ANXA13: variants seen among roughly 807,000 people sequenced by gnomAD.
ANXA13 encodes the protein annexin XIII.
Under a neutral mutation model 46.6 loss-of-function variants are expected in ANXA13, and 36 were observed. That is an observed-to-expected ratio of 0.77 (90% CI 0.59 to 1.02). The LOEUF is 1.02. Among genes scored for constraint, ANXA13 ranks in the 50% least tolerant of loss-of-function variants. ANXA13 has a pLI of 0.00. For synonymous variants in ANXA13, 163 were observed against 152.9 expected (o/e 1.07, Z -0.49); for missense variants, 417 against 396.5 (o/e 1.05, Z -0.44).
chr8:123,726,073 G>A (rs1052213470), intron 1 of ANXA13, among the ~76,000 whole-genome samples: 1 of 152,206 alleles, frequency 6.6e-6, no homozygotes, highest in African/African-American at 2.4e-5. Flanking sequence ...ACTAAAACTA[G>A]AAAAACATCC....
chr8:123,690,228 A>G lies in ANXA13; in HGVS notation c.643-1282T>C, dbSNP rs1278899363. Among the ~76,000 whole-genome samples the G allele has an allele frequency of 6.6e-6, 1 of 152,206 alleles. No individual in the cohort carries two copies. Among genetic ancestry groups the G allele is most frequent in the Non-Finnish European group, 1.5e-5 (1 of 68,028 alleles). ...CATTTTGTTCACACAGGTCTTGTTT[A>G]CTTTAAAAAATCCTCACATTAAACC... On this transcript the variant is annotated intron_variant, in intron 8 of 10. Coordinates refer to ENST00000419625, the MANE Select transcript of ANXA13 (RefSeq NM_004306.4). The surrounding 1 kb of genome is among the most constrained non-coding windows in gnomAD (Gnocchi z 4.6).
chr8:123,730,596 C>G (rs1228944881), intron 1 of ANXA13, among the ~76,000 whole-genome samples: 1 of 152,152 alleles, frequency 6.6e-6, no homozygotes, highest in Non-Finnish European at 1.5e-5. Context: ...GAAAGAGAGT[C>G]TTTGTAGATG....
chr8:123,732,659 C>A (rs1814142941), intron 1 of ANXA13, among the ~76,000 whole-genome samples: 1 of 151,286 alleles, frequency 6.6e-6, no homozygotes, highest in African/African-American at 2.4e-5. Context: ...CACCTCCTTA[C>A]AATGGCTGGT....
At chr8:123,699,693 A>T (rs535324628) in intron 3 of ANXA13, among the ~76,000 whole-genome samples, 1 of 152,344 alleles carries the variant, frequency 6.6e-6, no homozygotes, top group African/African-American at 2.4e-5. Context: ...GATGGCTCAG[A>T]TTGGAGGCCC....
rs539486159 is a variant in ANXA13, at chr8:123,725,043, A to G, written c.15+12277T>C. Among the ~76,000 whole-genome samples the G allele has an allele frequency of 2.3e-3, 347 of 152,320 alleles. 4 individuals carry two copies. The highest frequency in any genetic ancestry group is 7.8e-3 in the African/African-American group (325 of 41,578). Reference sequence around the variant, plus strand: ...CATGTAAACAGGTCCTTTTTTAGTCAGAGGATAGGACCTTACCCTTCAGCT... The same window carrying G: ...CATGTAAACAGGTCCTTTTTTAGTCGGAGGATAGGACCTTACCCTTCAGCT... On this transcript the variant is annotated intron_variant, in intron 1 of 10. Transcript: ENST00000419625.
At chr8:123,697,478 G>A (rs1004639198) in intron 4 of ANXA13, among the ~76,000 whole-genome samples, 1 of 152,178 alleles carries the variant, frequency 6.6e-6, no homozygotes, top group Non-Finnish European at 1.5e-5. Context: ...TCCAGAAAAG[G>A]TTTGCACCTG....
At chr8:123,688,978 C>T (rs746609568) in intron 8 of ANXA13, 32 bp from the exon 9 acceptor site, 4 of 1,609,476 alleles carry the variant, frequency 2.5e-6, no homozygotes, top group Non-Finnish European at 3.4e-6. Flanking sequence ...ACTGTTATTC[C>T]AGGTTTGCCT....
At chr8:123,728,141 G>C (rs1490333183) in intron 1 of ANXA13, 1 of 152,178 alleles carries the variant, frequency 6.6e-6, no homozygotes, top group Non-Finnish European at 1.5e-5. Context: ...GCTGTGTTGG[G>C]CTGGAGAACT....
chr8:123,708,071 C>G (rs1813576684), intron 2 of ANXA13, among the ~76,000 whole-genome samples: 1 of 152,090 alleles, frequency 6.6e-6, no homozygotes, highest in African/African-American at 2.4e-5. Flanking sequence ...AGTGACCTCA[C>G]TTTACATTTC....
intron 4 of ANXA13, among the ~76,000 whole-genome samples, chr8:123,696,932 C>A (rs569911761): frequency 6.6e-6 from 1 of 152,192 alleles, no homozygotes; most frequent in African/African-American, 2.4e-5. Flanking sequence ...TTTTTTGAGA[C>A]GAAGTCTCGC....
chr8:123,727,703 G>A (rs1263955895), intron 1 of ANXA13: 1 of 133,136 alleles, frequency 7.5e-6, no homozygotes, highest in Non-Finnish European at 1.5e-5. Context: ...AAGGACGAAT[G>A]TGCCAAGGGT....
At chr8:123,731,204 C>A (rs887247333) in intron 1 of ANXA13, among the ~76,000 whole-genome samples, 4 of 152,142 alleles carry the variant, frequency 2.6e-5, no homozygotes, top group Non-Finnish European at 5.9e-5. Flanking sequence ...CTGGATTATA[C>A]CAATGATGCG....
At chr8:123,686,791 T>C (rs979121288) in intron 9 of ANXA13, among the ~76,000 whole-genome samples, 2 of 152,184 alleles carry the variant, frequency 1.3e-5, no homozygotes, top group African/African-American at 4.8e-5. Context: ...CCTCACCCCC[T>C]GCTCCTAGAT....
chr8:123,684,531 A>G, intron 10 of ANXA13, 79 bp downstream of exon 10: 1 of 1,010,510 alleles, frequency 9.9e-7, no homozygotes, highest in Non-Finnish European at 1.5e-6. Context: ...GGCCCTTAAT[A>G]GAAACTATTT....
intron 1 of ANXA13, among the ~76,000 whole-genome samples, chr8:123,731,621 C>T (rs1370731675): frequency 1.3e-5 from 2 of 152,072 alleles, no homozygotes; most frequent in Non-Finnish European, 1.5e-5. Context: ...TGTAATCAAT[C>T]CCAGCACTTT....
intron 3 of ANXA13, among the ~76,000 whole-genome samples, chr8:123,700,869 C>A (rs549763340): frequency 6.6e-6 from 1 of 152,006 alleles, no homozygotes; most frequent in Admixed American, 6.5e-5. Flanking sequence ...GTCACCCAGG[C>A]TGGAGTGCAG....
chr8:123,717,711 C>G (rs1471355424), intron 1 of ANXA13, among the ~76,000 whole-genome samples: 1 of 152,236 alleles, frequency 6.6e-6, no homozygotes, highest in Non-Finnish European at 1.5e-5. Context: ...GAGAACCTCT[C>G]TGTGCTGTAC....
At chr8:123,691,434 T>C (rs1813238703) in intron 8 of ANXA13, among the ~76,000 whole-genome samples, 1 of 152,202 alleles carries the variant, frequency 6.6e-6, no homozygotes, top group Non-Finnish European at 1.5e-5. Flanking sequence ...ATTGTACATA[T>C]AAGCTTTAGC....
intron 4 of ANXA13, among the ~76,000 whole-genome samples, chr8:123,697,537 A>C (rs1813364388): frequency 6.6e-6 from 1 of 152,330 alleles, no homozygotes; most frequent in Admixed American, 6.5e-5. Context: ...AGCAGCGTGA[A>C]CGTGGCCCAG....
Sources: allele counts gnomAD v4.1 joint callset (sites outside exome capture counted in the v4.1 genomes callset), GRCh38; gene constraint gnomAD v4.1.1; non-coding constraint Gnocchi (gnomAD v3.1); transcripts MANE v1.5; gene names NCBI Gene and HGNC (gene_info 2026-07-23, HGNC 2026-07-21).